Variants in AMY2B observed in about 807,000 individuals in gnomAD.
AMY2B encodes the protein alpha-amylase 2B.
A neutral mutation model predicts 59.3 loss-of-function variants in AMY2B; 63 were observed. That is an observed-to-expected ratio of 1.06 (90% CI 0.87 to 1.31). The LOEUF is 1.31. Among genes scored for constraint, AMY2B ranks in the 50% most tolerant of loss-of-function variants. The probability of loss-of-function intolerance (pLI) is 0.00; values close to 1 mark genes in which losing one functional copy is unlikely to be tolerated. For synonymous variants in AMY2B, 180 were observed against 198.1 expected, an observed-to-expected ratio of 0.91 and a Z score of 0.77; for missense variants, 635 against 626.7, an observed-to-expected ratio of 1.01 and a Z score of -0.14.
At chr1:103,558,940 A>T (rs752587375) in intron 1 of AMY2B, among the ~76,000 whole-genome samples, 15 of 151,992 alleles carry the variant, frequency 9.9e-5, no homozygotes, top group Non-Finnish European at 1.9e-4. Context: ...TGTAAACAAC[A>T]TAATATAACA....
upstream of AMY2B, among the ~76,000 whole-genome samples, chr1:103,567,109 A>G (rs541421144): frequency 6.6e-6 from 1 of 152,280 alleles, no homozygotes; most frequent in South Asian, 2.1e-4. Flanking sequence ...AGAAGCTTTC[A>G]TACAACAGAG....
At chr1:103,574,030 G>A (rs1426618807) in intron 4 of AMY2B, 92 bp downstream of exon 4, 8 of 1,595,070 alleles carry the variant, frequency 5.0e-6, no homozygotes, top group African/African-American at 2.7e-5. Flanking sequence ...TATAGGATAA[G>A]GACTGAGTCA....
At chr1:103,579,276 T>A in intron 9 of AMY2B, 35 bp from the exon 10 acceptor site, 1 of 1,611,582 alleles carries the variant, frequency 6.2e-7, no homozygotes, top group Middle Eastern at 2.3e-4. Flanking sequence ...TGATTTTCAG[T>A]GTATTGAAGT....
chr1:103,559,958 A>G (rs565525561), intron 1 of AMY2B, among the ~76,000 whole-genome samples: 18 of 152,324 alleles, frequency 1.2e-4, no homozygotes, highest in South Asian at 2.1e-4. Context: ...ATGTATACAG[A>G]TGTTCATTAT....
chr1:103,566,537 A>G (rs960906284), intron 2 of AMY2B, among the ~76,000 whole-genome samples: 1 of 152,170 alleles, frequency 6.6e-6, no homozygotes, highest in Admixed American at 6.5e-5. Flanking sequence ...TTTTCACACT[A>G]TCCGAGTGTG....
At chr1:103,571,046 C>A, upstream of AMY2B, 1 of 474,890 alleles carries the variant, frequency 2.1e-6, no homozygotes, top group South Asian at 4.0e-5. Flanking sequence ...ACTGAGTGTT[C>A]TGGGATTTGT....
intron 1 of AMY2B, among the ~76,000 whole-genome samples, chr1:103,564,469 T>A (rs1651841647): frequency 6.6e-6 from 1 of 152,150 alleles, no homozygotes; most frequent in Admixed American, 6.6e-5. Flanking sequence ...CCTATTTGCT[T>A]TTAAAAATCA....
chr1:103,571,507 C>A, upstream of AMY2B: 1 of 1,577,294 alleles, frequency 6.3e-7, no homozygotes, highest in Non-Finnish European at 8.6e-7. Context: ...AGTTTGCCCT[C>A]AAGTATTTAT....
intron 1 of AMY2B, among the ~76,000 whole-genome samples, chr1:103,557,633 A>G (rs971405454): frequency 3.9e-4 from 59 of 151,746 alleles, no homozygotes; most frequent in Non-Finnish European, 7.4e-4. Flanking sequence ...AGCTTCAGTG[A>G]TGGAGTTAGA....
At chr1:103,576,259 C>T (rs1237429570) in intron 7 of AMY2B, among the ~76,000 whole-genome samples, 5 of 152,134 alleles carry the variant, frequency 3.3e-5, no homozygotes, top group Admixed American at 6.5e-5. Context: ...CCTCCTTCCT[C>T]TGAGTCACAC....
rs1296403540 is a variant in AMY2B, at chr1:103,573,890, A to G, written c.696A>G (p.Leu232=). ...CAATTTTGGACAAACTGCATAATCT[A>G]AACAGTAACTGGTTCCCTGCAGGAA... ...IKAILDKLHN[L]NSNWFPAGSK... Residue 232 remains leucine, a synonymous_variant, in exon 4 of 10, where the codon CTA becomes CTG. Coordinates refer to ENST00000684275, the MANE Select transcript of AMY2B (RefSeq NM_001387437.1). 2 of 1,613,866 alleles carry G rather than the reference A, an allele frequency of 1.2e-6. No individual in the cohort carries two copies. Among genetic ancestry groups the G allele is most frequent in the Non-Finnish European group, 1.7e-6 (2 of 1,179,776 alleles).
At chr1:103,557,367 G>A (rs755617916) in intron 1 of AMY2B, among the ~76,000 whole-genome samples, 5 of 152,070 alleles carry the variant, frequency 3.3e-5, no homozygotes, top group Non-Finnish European at 7.4e-5. Flanking sequence ...AATTAAGAAA[G>A]AGGCCAGGTG....
intron 2 of AMY2B, among the ~76,000 whole-genome samples, chr1:103,572,733 C>G (rs1044218473): frequency 1.3e-5 from 2 of 152,114 alleles, no homozygotes; most frequent in African/African-American, 4.8e-5. Context: ...CTCCTGGTGA[C>G]CGACTGTAAT....
intron 2 of AMY2B, 127 bp from the exon 3 acceptor site, chr1:103,572,936 G>C (rs1652193457): frequency 1.9e-6 from 3 of 1,554,392 alleles, no homozygotes; most frequent in African/African-American, 2.7e-5. Flanking sequence ...TGATCTTGTA[G>C]GAAAATAGTT....
chr1:103,568,295 G>A (rs151266453), upstream of AMY2B: 2 of 152,178 alleles, frequency 1.3e-5, no homozygotes, highest in Admixed American at 1.3e-4. Context: ...CCCTTTCATA[G>A]CATTTCACTT....
chr1:103,569,602 G>T (rs1363839803), upstream of AMY2B: 5 of 395,514 alleles, frequency 1.3e-5, no homozygotes, highest in East Asian at 4.1e-4. Flanking sequence ...TCCAGCATGT[G>T]CAAAGCTGGC....
At chr1:103,561,829 G>C (rs1441544536) in intron 1 of AMY2B, 1 of 152,074 alleles carries the variant, frequency 6.6e-6, no homozygotes, top group Non-Finnish European at 1.5e-5. Flanking sequence ...GGTTTGCTTA[G>C]GAAACAGGAG....
chr1:103,564,010 C>T (rs530354067), intron 1 of AMY2B, among the ~76,000 whole-genome samples: 7 of 152,058 alleles, frequency 4.6e-5, no homozygotes, highest in East Asian at 3.9e-4. Context: ...GTTAGTAGAG[C>T]GAAGGCGGAA....
At chr1:103,558,562 T>G (rs929507623) in intron 1 of AMY2B, among the ~76,000 whole-genome samples, 1 of 152,064 alleles carries the variant, frequency 6.6e-6, no homozygotes, top group African/African-American at 2.4e-5. Context: ...GATATTTCAG[T>G]ATAAAAAATG....
Sources: allele counts gnomAD v4.1 joint callset (sites outside exome capture counted in the v4.1 genomes callset), GRCh38; gene constraint gnomAD v4.1.1; transcripts MANE v1.5; gene names NCBI Gene and HGNC (gene_info 2026-07-23, HGNC 2026-07-21).